ABCA8: variants seen among roughly 807,000 people sequenced by gnomAD.
ABCA8 encodes ATP binding cassette subfamily A member 8, also known as ABC-type organic anion transporter ABCA8.
A neutral mutation model predicts 192.3 loss-of-function variants in ABCA8; 177 were observed. That is an observed-to-expected ratio of 0.92 (90% CI 0.81 to 1.04). ABCA8 has a LOEUF of 1.04. Ranked by LOEUF, ABCA8 falls within the 50% of genes least tolerant of loss-of-function variation. The probability of loss-of-function intolerance (pLI) is 0.00; values close to 1 mark genes in which losing one functional copy is unlikely to be tolerated. For missense variants in ABCA8, 1,915 were observed against 1,904.8 expected, an observed-to-expected ratio of 1.01 and a Z score of -0.10; for synonymous variants, 642 against 690.2, an observed-to-expected ratio of 0.93 and a Z score of 1.09.
intron 24 of ABCA8, among the ~76,000 whole-genome samples, chr17:68,888,703 T>C (rs1299524569): frequency 6.6e-6 from 1 of 152,194 alleles, no homozygotes; most frequent in Non-Finnish European, 1.5e-5. Flanking sequence ...GAGACATCTG[T>C]GTTGCCTACT....
At chr17:68,938,092 G>A (rs73998579) in intron 4 of ABCA8, among the ~76,000 whole-genome samples, 3,426 of 152,206 alleles carry the variant, frequency 0.023, 130 homozygotes, top group African/African-American at 0.078. Flanking sequence ...TCTCAGGGCC[G>A]TTTAGGAGAC....
intron 32 of ABCA8, chr17:68,880,387 G>A (rs1399092787): frequency 6.6e-6 from 1 of 152,172 alleles, no homozygotes; most frequent in Non-Finnish European, 1.5e-5. Context: ...CCTGGACATG[G>A]GACAAGAGCT....
chr17:68,916,836 T>TA (rs1213334544), intron 17 of ABCA8, among the ~76,000 whole-genome samples: 6 of 152,228 alleles, frequency 3.9e-5, no homozygotes, highest in Admixed American at 1.3e-4. Flanking sequence ...CAGATATATA[T>TA]TTTTTAGTCA....
chr17:68,876,537 G>T lies in ABCA8; in HGVS notation c.4293C>A (p.Ser1431Arg). ...GIKRKLCFVL[S>R]ILGNPSVVLL... The stretch of plus-strand genomic sequence containing the variant: ...GCACCACTGACGGGTTCCCCAGTAT[G>T]CTCAGGACAAAGCACAGCTGCAACG... The change falls in exon 35 of 40, where the codon AGC (serine) becomes AGA (arginine). Residue 1431 changes from serine (S) to arginine (R), a missense_variant. Transcript: ENST00000586539. 2 of 1,614,116 alleles carry T rather than the reference G, an allele frequency of 1.2e-6. No homozygotes were observed. The highest frequency in any genetic ancestry group is 1.7e-6 in the Non-Finnish European group (2 of 1,180,010).
intron 17 of ABCA8, among the ~76,000 whole-genome samples, chr17:68,909,907 A>C (rs568908083): frequency 7.9e-5 from 12 of 152,292 alleles, no homozygotes; most frequent in African/African-American, 2.4e-4. Context: ...CAAAAACAGT[A>C]GTTTAAAATA....
intron 25 of ABCA8, 67 bp from the exon 26 acceptor site, chr17:68,887,197 A>G (rs1431895697): frequency 7.2e-7 from 1 of 1,387,248 alleles, no homozygotes; most frequent in Non-Finnish European, 9.9e-7. Flanking sequence ...TTTAGGATTC[A>G]AAACATTGTC....
At chr17:68,952,578 G>A (rs1017423164) in intron 1 of ABCA8, among the ~76,000 whole-genome samples, 2 of 152,132 alleles carry the variant, frequency 1.3e-5, no homozygotes, top group Non-Finnish European at 2.9e-5. Flanking sequence ...TTTCTGTAGC[G>A]AGGCTTTGAT....
At chr17:68,954,540 T>C (rs1402840987) in intron 1 of ABCA8, among the ~76,000 whole-genome samples, 1 of 152,184 alleles carries the variant, frequency 6.6e-6, no homozygotes, top group East Asian at 1.9e-4. Flanking sequence ...ATTTTTATCC[T>C]CTTATACTGT....
chr17:68,886,484 C>T (rs1380057336), intron 26 of ABCA8, among the ~76,000 whole-genome samples: 1 of 152,178 alleles, frequency 6.6e-6, no homozygotes, highest in African/African-American at 2.4e-5. Flanking sequence ...GAAATCTCTG[C>T]TTTCATTTTC....
At chr17:68,932,262 A>AT in intron 7 of ABCA8, 26 bp downstream of exon 7, 1 of 1,543,122 alleles carries the variant, frequency 6.5e-7, no homozygotes, top group Admixed American at 1.8e-5. Flanking sequence ...TCCTCCGTTT[A>AT]TTTATTTGTG....
At chr17:68,897,250 C>G (rs375855756) in intron 21 of ABCA8, among the ~76,000 whole-genome samples, 2 of 152,124 alleles carry the variant, frequency 1.3e-5, no homozygotes, top group African/African-American at 4.8e-5. Context: ...GAAAGGTCTG[C>G]TAAATCTATT....
intron 15 of ABCA8, 77 bp downstream of exon 15, chr17:68,918,350 G>A (rs917226915): frequency 9.3e-6 from 14 of 1,511,440 alleles, no homozygotes; most frequent in African/African-American, 2.8e-5. Flanking sequence ...TGTCCTTTGC[G>A]AATAAAATAT....
intron 4 of ABCA8, 29 bp downstream of exon 4, chr17:68,940,729 C>T: frequency 3.2e-6 from 5 of 1,568,178 alleles, no homozygotes; most frequent in Non-Finnish European, 4.4e-6. Flanking sequence ...TCACACCAGA[C>T]ATTCTTCTTA....
chr17:68,928,705 A>AATC (rs2067768058), intron 9 of ABCA8, among the ~76,000 whole-genome samples: 1 of 152,230 alleles, frequency 6.6e-6, no homozygotes, highest in Non-Finnish European at 1.5e-5. Context: ...AATGGTTTTT[A>AATC]ATCACGTATT....
At chr17:68,921,571 A>G in intron 12 of ABCA8, 79 bp from the exon 13 acceptor site, 1 of 778,968 alleles carries the variant, frequency 1.3e-6, no homozygotes, top group Non-Finnish European at 2.1e-6. Flanking sequence ...ATATTCCATT[A>G]TGGAGCCAAT....
At chr17:68,927,626 T>C (rs2067737657) in intron 10 of ABCA8, among the ~76,000 whole-genome samples, 1 of 152,008 alleles carries the variant, frequency 6.6e-6, no homozygotes, top group Admixed American at 6.6e-5. Context: ...CAGAACTGTT[T>C]AGGAACTAGC....
intron 7 of ABCA8, among the ~76,000 whole-genome samples, chr17:68,930,891 T>C (rs956078271): frequency 1.3e-5 from 2 of 152,240 alleles, no homozygotes; most frequent in Non-Finnish European, 2.9e-5. Flanking sequence ...TGTTATTTAA[T>C]GTCCTACTCC....
chr17:68,945,875 A>T (rs971586885), intron 2 of ABCA8, among the ~76,000 whole-genome samples: 13 of 152,086 alleles, frequency 8.5e-5, no homozygotes, highest in African/African-American at 2.9e-4. Flanking sequence ...CTAGTTTTCA[A>T]TTAATCTCTT....
chr17:68,888,476 G>A (rs536248743), intron 24 of ABCA8, among the ~76,000 whole-genome samples: 4 of 152,082 alleles, frequency 2.6e-5, no homozygotes, highest in Non-Finnish European at 5.9e-5. Flanking sequence ...TCATATCAGA[G>A]CCTCACAACA....
Sources: gnomAD v4.1 joint callset for allele counts (sites outside exome capture counted in the v4.1 genomes callset) on GRCh38, gnomAD v4.1.1 for gene constraint, MANE v1.5 for transcripts, NCBI Gene and HGNC (gene_info 2026-07-23, HGNC 2026-07-21) for gene names.